TMEM260: variants seen among roughly 807,000 people sequenced by gnomAD.
TMEM260 encodes protein O-mannosyl-transferase TMEM260.
Under a neutral mutation model 88.9 loss-of-function variants are expected in TMEM260, and 82 were observed. That is an observed-to-expected ratio of 0.92 (90% CI 0.77 to 1.11). The LOEUF is 1.11. Ranked by LOEUF, TMEM260 falls within the 50% of genes least tolerant of loss-of-function variation. TMEM260 has a pLI of 0.00. For synonymous variants in TMEM260, 314 were observed against 309.3 expected (o/e 1.02, Z -0.16); for missense variants, 902 against 853.4 (o/e 1.06, Z -0.71).
rs758699644 is a variant in TMEM260 at position 56,585,904 on chromosome 14, C to T, written c.336C>T (p.Thr112=). The T allele has an allele frequency of 3.8e-5, 61 of 1,611,188 alleles. No individual in the cohort carries two copies. Among genetic ancestry groups the T allele is most frequent in the South Asian group, 1.2e-4 (11 of 90,392 alleles). ...GAVAASLLFF[T]VFRLSGSSAG... Reference sequence around the variant, plus strand: ...TAGCTGCATCATTACTTTTTTTCACCGTTTTCAGGTAAAGTAGTTGATTAG... The same window carrying T: ...TAGCTGCATCATTACTTTTTTTCACTGTTTTCAGGTAAAGTAGTTGATTAG... The change falls in exon 3 of 16, where the codon ACC becomes ACT. Residue 112 remains threonine, a synonymous_variant. Coordinates refer to ENST00000261556, the MANE Select transcript of TMEM260 (RefSeq NM_017799.4).
In TMEM260 at chr14:56,643,461, C is replaced by G. The variant is rs1001970822; in HGVS notation, c.1870-3782C>G. On this transcript the variant is annotated intron_variant, in intron 15 of 15. Coordinates refer to ENST00000261556, the MANE Select transcript of TMEM260 (RefSeq NM_017799.4). ...AAGGCCTTTGACAAAATTCAACAACCCTTCATGCTAAAAACTCTCAATAAA... is the reference window on the plus strand; with the variant it reads ...AAGGCCTTTGACAAAATTCAACAACGCTTCATGCTAAAAACTCTCAATAAA... Among the ~76,000 whole-genome samples the G allele has an allele frequency of 3.6e-4, 54 of 151,854 alleles. 1 individual carries two copies. Among genetic ancestry groups the G allele is most frequent in the Middle Eastern group, 3.4e-3 (1 of 292 alleles).
chr14:56,653,535 A>G (rs1890242903), downstream of TMEM260, among the ~76,000 whole-genome samples: 1 of 151,798 alleles, frequency 6.6e-6, no homozygotes, highest in African/African-American at 2.4e-5. Flanking sequence ...GGAGTTCGAG[A>G]CCAGCCTGGG....
intron 15 of TMEM260, among the ~76,000 whole-genome samples, chr14:56,642,225 G>A (rs1889650899): frequency 6.6e-6 from 1 of 151,932 alleles, no homozygotes; most frequent in Non-Finnish European, 1.5e-5. Flanking sequence ...GCACCGCATT[G>A]CACTTATTCC....
chr14:56,644,377 A>G (rs1025531046), intron 15 of TMEM260, among the ~76,000 whole-genome samples: 1 of 152,210 alleles, frequency 6.6e-6, no homozygotes, highest in African/African-American at 2.4e-5. Flanking sequence ...GATCTTTGAC[A>G]AACCTGACAA....
At position 56,605,617 on chromosome 14, in the gene TMEM260, G is replaced by A. The variant is rs746013784; in HGVS notation, c.570G>A (p.Gln190=). 3.1e-6 allele frequency: 5 copies of A among 1,588,502 alleles called. No individual in the cohort carries two copies. In the Admixed American group the frequency reaches 7.1e-5, roughly 22 times the overall value. ...AFCCGLSLCN[Q]HTIILYVLCI... ...GCTGTGGCCTTAGTTTATGTAACCAGCACACAATAATACTCTATGTTTTGT... is the reference window on the plus strand; with the variant it reads ...GCTGTGGCCTTAGTTTATGTAACCAACACACAATAATACTCTATGTTTTGT... Residue 190 remains glutamine (Q), a synonymous_variant, in exon 5 of 16, where the codon CAG becomes CAA. Coordinates refer to ENST00000261556, the MANE Select transcript of TMEM260 (RefSeq NM_017799.4).
downstream of TMEM260, among the ~76,000 whole-genome samples, chr14:56,654,425 G>T (rs949348516): frequency 1.9e-4 from 29 of 152,210 alleles, no homozygotes; most frequent in South Asian, 2.1e-4. Flanking sequence ...AAAGAAATAT[G>T]TCCCAGCTCC....
At chr14:56,654,728 C>T (rs972531101), downstream of TMEM260, among the ~76,000 whole-genome samples, 6 of 141,910 alleles carry the variant, frequency 4.2e-5, no homozygotes, top group Admixed American at 7.9e-5. Context: ...GCAGGAGAAT[C>T]GCTTGAACCC....
intron 3 of TMEM260, among the ~76,000 whole-genome samples, chr14:56,601,978 A>G (rs543212471): frequency 6.6e-6 from 1 of 152,294 alleles, no homozygotes; most frequent in African/African-American, 2.4e-5. Context: ...AAATAGAGGA[A>G]GGAATATTGT....
At chr14:56,642,759 C>A (rs1435583400) in intron 15 of TMEM260, among the ~76,000 whole-genome samples, 2 of 152,138 alleles carry the variant, frequency 1.3e-5, no homozygotes, top group Non-Finnish European at 2.9e-5. Flanking sequence ...TGATAGACCA[C>A]TAGCAAGACT....
the TMEM260 span, among the ~76,000 whole-genome samples, chr14:56,660,546 T>C: frequency 6.6e-6 from 1 of 152,146 alleles, no homozygotes; most frequent in African/African-American, 2.4e-5. Flanking sequence ...CAGATGGAAA[T>C]TTGAAGGAGA....
chr14:56,630,453 T>C (rs1374296573), intron 12 of TMEM260, among the ~76,000 whole-genome samples: 1 of 151,980 alleles, frequency 6.6e-6, no homozygotes, highest in East Asian at 1.9e-4. Flanking sequence ...GTGTTTTTCT[T>C]TTTTTGTTTA....
At chr14:56,653,567 C>T (rs1407004205), downstream of TMEM260, among the ~76,000 whole-genome samples, 1 of 151,794 alleles carries the variant, frequency 6.6e-6, no homozygotes, top group Non-Finnish European at 1.5e-5. Context: ...AACCCCATCT[C>T]TACTAAAAAT....
chr14:56,579,671 T>C, upstream of TMEM260: 2 of 391,228 alleles, frequency 5.1e-6, no homozygotes, highest in Non-Finnish European at 9.0e-6. Context: ...AATCACATTA[T>C]AAGTAGGTGA....
intron 5 of TMEM260, 82 bp downstream of exon 5, chr14:56,605,765 G>T (rs1383807088): frequency 2.4e-6 from 2 of 835,880 alleles, no homozygotes; most frequent in South Asian, 1.7e-5. Context: ...AAAATTTCAG[G>T]CTTTAATTTT....
At chr14:56,646,200 T>A (rs1204027955) in intron 15 of TMEM260, among the ~76,000 whole-genome samples, 1 of 152,246 alleles carries the variant, frequency 6.6e-6, no homozygotes, top group East Asian at 1.9e-4. Flanking sequence ...CAAACATGAA[T>A]TGTGGAATAT....
chr14:56,642,284 A>G (rs1349753540), intron 15 of TMEM260, among the ~76,000 whole-genome samples: 4 of 152,182 alleles, frequency 2.6e-5, no homozygotes, highest in Non-Finnish European at 5.9e-5. Flanking sequence ...CAAATGTAAA[A>G]GAACAGAAAT....
intron 9 of TMEM260, among the ~76,000 whole-genome samples, chr14:56,618,147 G>C (rs1288481390): frequency 1.3e-5 from 2 of 152,042 alleles, no homozygotes; most frequent in African/African-American, 4.8e-5. Context: ...AGATGAAAAG[G>C]GAGGGCGCTG....
chr14:56,583,374 T>C (rs1433355844), intron 1 of TMEM260, among the ~76,000 whole-genome samples: 1 of 152,160 alleles, frequency 6.6e-6, no homozygotes, highest in African/African-American at 2.4e-5. Flanking sequence ...CAGGTGCCCT[T>C]ATAAGGCTTC....
intron 3 of TMEM260, among the ~76,000 whole-genome samples, chr14:56,601,268 A>G (rs1253505928): frequency 2.6e-5 from 4 of 152,182 alleles, no homozygotes; most frequent in Non-Finnish European, 5.9e-5. Flanking sequence ...TGTGTTAATC[A>G]TTATAGATTA....
Sources: gnomAD v4.1 joint callset for allele counts (sites outside exome capture counted in the v4.1 genomes callset) on GRCh38, gnomAD v4.1.1 for gene constraint, MANE v1.5 for transcripts, NCBI Gene and HGNC (gene_info 2026-07-23, HGNC 2026-07-21) for gene names.